Variants in NECTIN3 observed in about 807,000 individuals in gnomAD.
NECTIN3 encodes the protein nectin cell adhesion molecule 3, also known as nectin-3.
In NECTIN3, 8 loss-of-function variants were observed where a neutral mutation model predicts 49.4. That is an observed-to-expected ratio of 0.16 (90% CI 0.10 to 0.29). The LOEUF is 0.29. Among genes scored for constraint, NECTIN3 ranks in the 10% least tolerant of loss-of-function variants. The pLI is 1.00. For missense variants in NECTIN3, 581 were observed against 654.6 expected, an observed-to-expected ratio of 0.89 and a Z score of 1.23; for synonymous variants, 277 against 241.1, an observed-to-expected ratio of 1.15 and a Z score of -1.38.
At chr3:111,162,596 A>G (rs1001878825) in intron 7 of NECTIN3, among the ~76,000 whole-genome samples, 5 of 152,230 alleles carry the variant, frequency 3.3e-5, no homozygotes, top group Non-Finnish European at 7.3e-5. Flanking sequence ...GTGAGAATGG[A>G]CTAATGCAAT....
intron 2 of NECTIN3, among the ~76,000 whole-genome samples, chr3:111,117,469 A>G (rs1362538367): frequency 1.3e-5 from 2 of 152,076 alleles, no homozygotes; most frequent in Non-Finnish European, 2.9e-5. Flanking sequence ...TGGTGGTTAT[A>G]TGGATGTTTG....
intron 1 of NECTIN3, among the ~76,000 whole-genome samples, chr3:111,100,538 A>G (rs2032844440): frequency 6.6e-6 from 1 of 152,102 alleles, no homozygotes; most frequent in South Asian, 2.1e-4. Context: ...GTATATGCAA[A>G]TATTTCAAAA....
rs60596987 is a variant in NECTIN3, at chr3:111,151,544, G to T, written c.1221+4060G>T. Among the ~76,000 whole-genome samples the T allele has an allele frequency of 7.0e-3, 1,064 of 151,862 alleles. 47 individuals are homozygous for T. In the East Asian group the frequency reaches 0.11, roughly 16 times the overall value. On this transcript the variant is annotated intron_variant, in intron 7 of 8. Transcript: ENST00000493615. ...TATTATTTTTGTTATATTTTCTGTA[G>T]TTTCTGTTTTTTCTGCAGTGCCTTT...
chr3:111,180,342 CT>C (rs1280269963), intron 7 of NECTIN3, among the ~76,000 whole-genome samples: 1 of 152,166 alleles, frequency 6.6e-6, no homozygotes, highest in Non-Finnish European at 1.5e-5. Flanking sequence ...TACTAAGGGT[CT>C]GCTAAAATAA....
chr3:111,072,298 C>T lies in NECTIN3; in HGVS notation c.160+121C>T, dbSNP rs1048018230. On this transcript the variant is annotated intron_variant, in intron 1 of 5. Transcript: ENST00000485303. ...AGGCGGTTGGTTGTGCGAGCGAGTG[C>T]CGAGGACTTTGGCTGGAAACTTTTC... The T allele has an allele frequency of 4.2e-6, 6 of 1,442,680 alleles. No homozygotes were observed. In the Admixed American group the frequency reaches 8.2e-5, roughly 20 times the overall value. 89.4% of individuals were successfully genotyped at this position (1,442,680 alleles called of 1,614,324 possible).
rs139530035 is a variant in NECTIN3 at position 111,072,032 on chromosome 3, G to A, written c.15G>A (p.Leu5=). Residue 5 remains leucine, a synonymous_variant, in exon 1 of 6, where the codon CTG becomes CTA. Transcript: ENST00000485303. ...GAGGGTGGGGGATGGCGCGGACCCT[G>A]CGGCCGTCCCCGCTGTGTCCTGGAG... MART[L]RPSPLCPGGG... 0.026 allele frequency: 40,166 copies of A among 1,533,654 alleles called. 3,962 individuals are homozygous for A. The East Asian group carries it at 0.38, about 15-fold the overall frequency.
intron 2 of NECTIN3, among the ~76,000 whole-genome samples, chr3:111,117,128 T>C (rs1247598344): frequency 3.3e-5 from 5 of 151,946 alleles, no homozygotes; most frequent in Admixed American, 1.3e-4. Flanking sequence ...ATCCAAATGA[T>C]CTAAAAATAA....
At chr3:111,083,829 T>G (rs757116843) in intron 1 of NECTIN3, among the ~76,000 whole-genome samples, 61 of 152,198 alleles carry the variant, frequency 4.0e-4, no homozygotes, top group Non-Finnish European at 5.9e-4. Context: ...TTAAGGTCAT[T>G]ACCTGCTGTC....
At chr3:111,128,316 T>A (rs2034251700) in intron 5 of NECTIN3, among the ~76,000 whole-genome samples, 1 of 148,642 alleles carries the variant, frequency 6.7e-6, no homozygotes, top group African/African-American at 2.5e-5. Flanking sequence ...AGAGCGAAAC[T>A]CTGTCTCAAA....
chr3:111,135,481 T>C lies in NECTIN3; in HGVS notation c.*1266T>C. 1.0e-6 allele frequency: 1 copy of C among 968,346 alleles called. No homozygotes were observed. The highest frequency in any genetic ancestry group is 1.2e-6 in the Non-Finnish European group (1 of 814,524). The allele number at this position is 968,346 out of a possible 1,614,324, so 60.0% of individuals were successfully genotyped here. On this transcript the variant is annotated 3_prime_UTR_variant, in exon 6 of 6. Coordinates refer to ENST00000485303, the MANE Select transcript of NECTIN3 (RefSeq NM_015480.3). ...TTACCTAAACTTCAAATGTGCTTTT[T>C]GTTTGTGAGGTAATTAAATTGCTTC...
intron 1 of NECTIN3, among the ~76,000 whole-genome samples, chr3:111,097,279 G>A (rs1464530572): frequency 6.6e-6 from 1 of 152,210 alleles, no homozygotes; most frequent in African/African-American, 2.4e-5. Flanking sequence ...TGGAATGGCT[G>A]TATTTATCCA....
At chr3:111,158,511 A>T (rs769937491) in intron 7 of NECTIN3, among the ~76,000 whole-genome samples, 1 of 152,144 alleles carries the variant, frequency 6.6e-6, no homozygotes. Flanking sequence ...GAAACCACAA[A>T]TACCTTTTTA....
intron 7 of NECTIN3, among the ~76,000 whole-genome samples, chr3:111,178,454 A>G (rs1410765811): frequency 2.0e-5 from 3 of 152,186 alleles, no homozygotes; most frequent in Non-Finnish European, 4.4e-5. Flanking sequence ...CTCCTCATAA[A>G]TTTTTAAGGC....
intron 1 of NECTIN3, among the ~76,000 whole-genome samples, chr3:111,102,838 C>G (rs2032982392): frequency 6.6e-6 from 1 of 152,078 alleles, no homozygotes; most frequent in African/African-American, 2.4e-5. Context: ...GATATAAAAT[C>G]TGTGTCTAGA....
chr3:111,146,944 G>A (rs368372823), intron 6 of NECTIN3, among the ~76,000 whole-genome samples: 3 of 152,054 alleles, frequency 2.0e-5, no homozygotes, highest in Admixed American at 6.6e-5. Flanking sequence ...TGGTCTGTAC[G>A]TTGAAAATAT....
chr3:111,077,291 C>T, intron 1 of NECTIN3: 1 of 320,100 alleles, frequency 3.1e-6, no homozygotes, highest in Admixed American at 3.1e-5. Context: ...AGTAGATATT[C>T]ATAAACTGGA....
chr3:111,139,229 G>T (rs2034679444), downstream of NECTIN3, among the ~76,000 whole-genome samples: 1 of 151,634 alleles, frequency 6.6e-6, no homozygotes, highest in Admixed American at 6.6e-5. Flanking sequence ...CTAACATTCT[G>T]TCAAGTGAGC....
downstream of NECTIN3, among the ~76,000 whole-genome samples, chr3:111,140,760 T>C (rs2034721905): frequency 6.6e-6 from 1 of 151,880 alleles, no homozygotes. Flanking sequence ...GGCTGTCTAC[T>C]TAATTTTCTT....
At chr3:111,165,867 G>C (rs1047060351) in intron 7 of NECTIN3, among the ~76,000 whole-genome samples, 1 of 152,188 alleles carries the variant, frequency 6.6e-6, no homozygotes, top group Non-Finnish European at 1.5e-5. Flanking sequence ...AATAAAATAA[G>C]TAAAAGAGAG....
Sources: gnomAD v4.1 joint callset for allele counts (sites outside exome capture counted in the v4.1 genomes callset) on GRCh38, gnomAD v4.1.1 for gene constraint, MANE v1.5 for transcripts, NCBI Gene and HGNC (gene_info 2026-07-23, HGNC 2026-07-21) for gene names.